SORL1: variants seen among roughly 807,000 people sequenced by gnomAD.
SORL1 encodes sortilin related receptor 1.
A neutral mutation model predicts 273.7 loss-of-function variants in SORL1; 127 were observed. The observed-to-expected ratio is 0.46, with a 90% CI of 0.40 to 0.54. The LOEUF is 0.54. Ranked by LOEUF, SORL1 falls within the 20% of genes least tolerant of loss-of-function variation. SORL1 has a pLI of 0.00. For missense variants in SORL1, 2,494 were observed against 2,846.1 expected (o/e 0.88, Z 2.81); for synonymous variants, 1,031 against 1,067.4 (o/e 0.97, Z 0.66).
At chr11:121,506,800 T>C (rs974743652) in intron 6 of SORL1, among the ~76,000 whole-genome samples, 2 of 152,254 alleles carry the variant, frequency 1.3e-5, no homozygotes, top group African/African-American at 4.8e-5. Flanking sequence ...TTTAATGTAA[T>C]TACTGAAAGG....
rs1863889772 is a variant in SORL1, at chr11:121,632,527, G to A, written c.*2964G>A. On this transcript the variant is annotated 3_prime_UTR_variant, in exon 48 of 48. Transcript: ENST00000260197. Reference sequence around the variant, plus strand: ...GTTCTGTCTTTGGTAGCATCACCAGGGATATTTGGGTGGGACAGACAGAAG... The same window carrying A: ...GTTCTGTCTTTGGTAGCATCACCAGAGATATTTGGGTGGGACAGACAGAAG... 6.6e-6 allele frequency: 1 copy of A among 151,612 alleles called. No individual in the cohort carries two copies. Among genetic ancestry groups the A allele is most frequent in the East Asian group, 1.9e-4 (1 of 5,182 alleles). The allele number at this position is 151,612 out of a possible 1,614,324, so 9.4% of individuals were successfully genotyped here. A position where few individuals can be genotyped will look rare whatever the true frequency, so the allele number is the denominator to read the frequency against.
intron 1 of SORL1, among the ~76,000 whole-genome samples, chr11:121,459,594 T>C (rs1860959493): frequency 6.6e-6 from 1 of 152,228 alleles, no homozygotes. Context: ...TGGCTATTCA[T>C]AGGGTGAACC....
At chr11:121,577,880 G>A (rs918810939) in intron 25 of SORL1, among the ~76,000 whole-genome samples, 1 of 152,166 alleles carries the variant, frequency 6.6e-6, no homozygotes, top group African/African-American at 2.4e-5. Context: ...GGTAGGGGTA[G>A]TGTTCTCATT....
chr11:121,520,736 G>A lies in SORL1; in HGVS notation c.1291G>A (p.Gly431Ser). ...QGVYIATLINGSMNEENMRSV... is the reference protein window; with the variant it reads ...QGVYIATLINSSMNEENMRSV... ...AGTCTACATTGCTACTCTGATTAAT[G>A]GTTCTATGAATGAGGAGAACATGAG... The change falls in exon 9 of 48, where the codon GGT (glycine) becomes AGT (serine). Residue 431 changes from glycine to serine, a missense_variant. Gly to Ser is a moderately conservative substitution (Grantham distance 56). Transcript: ENST00000260197. 1.9e-6 allele frequency: 3 copies of A among 1,612,234 alleles called. No individual in the cohort carries two copies. The highest frequency in any genetic ancestry group is 1.3e-5 in the African/African-American group (1 of 74,956).
chr11:121,593,947 T>C (rs1863253795), intron 31 of SORL1, among the ~76,000 whole-genome samples: 1 of 152,224 alleles, frequency 6.6e-6, no homozygotes, highest in Non-Finnish European at 1.5e-5. Flanking sequence ...GAGGCCTGTG[T>C]GAGGTCTTGC....
Position 121,631,159 on chromosome 11 carries a change from C to G in SORL1, c.*1596C>G, listed in dbSNP as rs1283784068. 1 of 152,264 alleles carries G rather than the reference C, an allele frequency of 6.6e-6. No individual in the cohort carries two copies. The highest frequency in any genetic ancestry group is 2.4e-5 in the African/African-American group (1 of 41,446). The allele number at this position is 152,264 out of a possible 1,614,324, so 9.4% of individuals were successfully genotyped here. ...TCTTGGGTGATAATATAGTTTCATTCTACTTAGGGATTGTTTAGAAAACAA... is the reference window on the plus strand; with the variant it reads ...TCTTGGGTGATAATATAGTTTCATTGTACTTAGGGATTGTTTAGAAAACAA... On this transcript the variant is annotated 3_prime_UTR_variant, in exon 48 of 48. Transcript: ENST00000260197.
chr11:121,618,789 T>C lies in SORL1; in HGVS notation c.5620T>C (p.Tyr1874His). 1 of 1,614,214 alleles carries C rather than the reference T, an allele frequency of 6.2e-7. No homozygotes were observed. The highest frequency in any genetic ancestry group is 8.5e-7 in the Non-Finnish European group (1 of 1,180,014). ...CTTTTACCAGGTTTATGGTATTTTC[T>C]ATGCCACGTCCTTTCTTGACCTCTA... ...GPRNVVYGIF[Y>H]ATSFLDLYRN... Residue 1874 changes from tyrosine to histidine, a missense_variant, in exon 42 of 48, where the codon TAT becomes CAT. Physicochemically the swap from Tyr to His is moderately conservative, Grantham distance 83. Around this residue, in one of 3 missense-constraint regions of SORL1, gnomAD observed 1,609 missense variants for 1,816.4 expected, o/e 0.89. Transcript: ENST00000260197.
At chr11:121,497,070 A>G (rs185828447) in intron 6 of SORL1, 21 bp downstream of exon 6, 2 of 1,600,456 alleles carry the variant, frequency 1.2e-6, no homozygotes, top group African/African-American at 1.3e-5. Flanking sequence ...TGTACTAAAG[A>G]ATAAACTACT....
chr11:121,608,224 C>T, intron 38 of SORL1, 48 bp downstream of exon 38: 5 of 1,453,080 alleles, frequency 3.4e-6, no homozygotes, highest in Non-Finnish European at 3.8e-6. Flanking sequence ...TTATACAAAC[C>T]CTTTCAAATG....
chr11:121,625,388 C>A (rs1863780979), intron 46 of SORL1, 111 bp downstream of exon 46: 2 of 890,882 alleles, frequency 2.2e-6, no homozygotes, highest in Non-Finnish European at 3.4e-6. Flanking sequence ...ATATTCTCAG[C>A]TTAAAAGAAA....
Position 121,550,706 on chromosome 11 carries a change from G to A in SORL1, c.2266+36G>A. On this transcript the variant is annotated intron_variant, in intron 16 of 47. Coordinates refer to ENST00000260197, the MANE Select transcript of SORL1 (RefSeq NM_003105.6). This position sits in a 1 kb window ranked among gnomAD's most constrained non-coding sequence, Gnocchi z 5.3. ...TGGTTTCTTCCCTTTCATTTCTTGA[G>A]ACATGGTTGAAGCAGTATCACGATC... The A allele has an allele frequency of 6.5e-7, 1 of 1,544,510 alleles. No individual in the cohort carries two copies. The highest frequency in any genetic ancestry group is 8.9e-7 in the Non-Finnish European group (1 of 1,118,860).
chr11:121,578,971 G>A (rs1292158773), intron 25 of SORL1, among the ~76,000 whole-genome samples: 2 of 152,226 alleles, frequency 1.3e-5, no homozygotes, highest in African/African-American at 4.8e-5. Context: ...CTTTGGGTTT[G>A]GATGGATACT....
Position 121,633,523 on chromosome 11 carries a change from G to A in SORL1, c.*3960G>A, listed in dbSNP as rs999100269. 2.8e-4 allele frequency: 43 copies of A among 152,166 alleles called. No homozygotes were observed. Among genetic ancestry groups the A allele is most frequent in the Admixed American group, 1.6e-3 (24 of 15,276 alleles). The allele number at this position is 152,166 out of a possible 1,614,324, so 9.4% of individuals were successfully genotyped here. A position where few individuals can be genotyped will look rare whatever the true frequency, so the allele number is the denominator to read the frequency against. ...CTGTATACTTGTTTCTCTCCAAAGC[G>A]AAATTAAGTATTTATAATTTCAATT... On this transcript the variant is annotated 3_prime_UTR_variant, in exon 48 of 48. Transcript: ENST00000260197.
chr11:121,528,794 A>G (rs946704929), intron 11 of SORL1, among the ~76,000 whole-genome samples: 11 of 152,228 alleles, frequency 7.2e-5, no homozygotes, highest in African/African-American at 2.4e-4. Context: ...CCTGTGGTCT[A>G]TATTGTTGAA....
In SORL1 at chr11:121,595,641, C is replaced by G. The variant is rs768288487; in HGVS notation, c.4388C>G (p.Ser1463Cys). The G allele has an allele frequency of 1.9e-6, 3 of 1,607,808 alleles. No individual in the cohort carries two copies. The highest frequency in any genetic ancestry group is 2.5e-6 in the Non-Finnish European group (3 of 1,177,056). ...CPLLANVTAA[S>C]TPTQLGRCDR... ...ATTTTAGCAAACGTCACTGCTGCCT[C>G]CACTCCCACCCAACTTGGGCGATGT... The change falls in exon 32 of 48, where the codon TCC becomes TGC. Residue 1463 changes from serine (S) to cysteine (C), a missense_variant. Ser to Cys is a moderately radical substitution (Grantham distance 112). Coordinates refer to ENST00000260197, the MANE Select transcript of SORL1 (RefSeq NM_003105.6). The surrounding 1 kb of genome is among the most constrained non-coding windows in gnomAD (Gnocchi z 5.1).
In SORL1 at chr11:121,484,469, C is replaced by G. The variant is rs1464912501; in HGVS notation, c.529-3563C>G. ...TTTTGAGAAAGATTTTAAAGGAAAA[C>G]AAAACAGGTTTGGTGGCTGATAGAG... On this transcript the variant is annotated intron_variant, in intron 3 of 47. Coordinates refer to ENST00000260197, the MANE Select transcript of SORL1 (RefSeq NM_003105.6). 2.6e-5 allele frequency among the ~76,000 whole-genome samples: 4 copies of G among 151,996 alleles called. 1 individual carries two copies. The highest frequency in any genetic ancestry group is 2.0e-4 in the Admixed American group (3 of 15,248).
chr11:121,464,889 A>C (rs138655341), intron 1 of SORL1, among the ~76,000 whole-genome samples: 2,836 of 152,212 alleles, frequency 0.019, 46 homozygotes, highest in South Asian at 0.032. Context: ...CTAGCTGCAT[A>C]TTTTGGTAGC....
chr11:121,522,754 CA>C, intron 10 of SORL1, 51 bp downstream of exon 10: 1 of 1,476,644 alleles, frequency 6.8e-7, no homozygotes, highest in Non-Finnish European at 9.5e-7. Flanking sequence ...TGGTGATGTG[CA>C]GGCCAAATGC....
Position 121,595,492 on chromosome 11 carries a change from A to T in SORL1, c.4370-131A>T, listed in dbSNP as rs1309646668. 3 of 807,180 alleles carry T rather than the reference A, an allele frequency of 3.7e-6. No individual in the cohort carries two copies. The allele number at this position is 807,180 out of a possible 1,614,324, so 50.0% of individuals were successfully genotyped here. ...TGTATCTACTCTGCTCTCTATCCGG[A>T]ACTCGCATTTGTCTTCAGGTTCCCA... On this transcript the variant is annotated intron_variant, in intron 31 of 47. Transcript: ENST00000260197. This position sits in a 1 kb window ranked among gnomAD's most constrained non-coding sequence, Gnocchi z 5.1.
Sources: allele counts gnomAD v4.1 joint callset (sites outside exome capture counted in the v4.1 genomes callset), GRCh38; gene constraint gnomAD v4.1.1; regional missense constraint gnomAD v4.1.1; non-coding constraint Gnocchi (gnomAD v3.1); transcripts MANE v1.5; gene names NCBI Gene and HGNC (gene_info 2026-07-23, HGNC 2026-07-21).